The following CSMD1 variants were observed in gnomAD, a reference collection of about 807,000 sequenced individuals.
The protein encoded by CSMD1 is CUB and Sushi multiple domains 1.
CSMD1 carries 213 observed loss-of-function variants against 417.5 expected under a neutral mutation model. The ratio of observed to expected loss-of-function variants is 0.51; its 90% CI spans 0.46 to 0.57. The LOEUF is 0.57. Among genes scored for constraint, CSMD1 ranks in the 20% least tolerant of loss-of-function variants. The pLI is 0.00. For synonymous variants in CSMD1, 2,862 were observed against 1,736.8 expected (o/e 1.65, Z -16.11); for missense variants, 6,923 against 4,529.7 (o/e 1.53, Z -15.17).
chr8:3,825,598 T>C (rs1033034695), intron 5 of CSMD1, among the ~76,000 whole-genome samples: 7 of 151,984 alleles, frequency 4.6e-5, no homozygotes, highest in African/African-American at 1.7e-4. Context: ...GGGGAAGGGA[T>C]TAATAGAAGA....
At position 4,753,435 on chromosome 8, in the gene CSMD1, ACAC is replaced by A. The variant is rs1811473153; in HGVS notation, c.86-115880_86-115878del. On this transcript the variant is annotated intron_variant, in intron 1 of 69. Coordinates refer to ENST00000635120, the MANE Select transcript of CSMD1 (RefSeq NM_033225.6). ...CACACACACACACACACACACACAC[ACAC>A]ACACACACATGCGCACACACTCCTT... Among the ~76,000 whole-genome samples, 6 of 122,328 alleles carry A rather than the reference ACAC, an allele frequency of 4.9e-5. No individual in the cohort carries two copies. In the Admixed American group the frequency reaches 5.5e-4, roughly 11 times the overall value. The allele number at this position is 122,328 out of a possible 152,430, so 80.3% of individuals were successfully genotyped here. A position where few individuals can be genotyped will look rare whatever the true frequency, so the allele number is the denominator to read the frequency against.
chr8:2,939,996 C>A (rs1240688616), intron 69 of CSMD1, among the ~76,000 whole-genome samples: 2 of 152,104 alleles, frequency 1.3e-5, no homozygotes, highest in Admixed American at 6.6e-5. Context: ...CAGCTGCACC[C>A]GGCAGAAGGC....
At chr8:4,046,660 A>G (rs1441245340) in intron 3 of CSMD1, among the ~76,000 whole-genome samples, 2 of 152,208 alleles carry the variant, frequency 1.3e-5, no homozygotes, top group Non-Finnish European at 2.9e-5. Context: ...GATAGGATAT[A>G]CACTGGGAAT....
At chr8:3,181,782 T>C (rs1821343929) in intron 36 of CSMD1, among the ~76,000 whole-genome samples, 1 of 152,220 alleles carries the variant, frequency 6.6e-6, no homozygotes, top group African/African-American at 2.4e-5. Context: ...GTGATTTCTT[T>C]ACTTAAAATG....
intron 10 of CSMD1, among the ~76,000 whole-genome samples, chr8:3,501,092 A>G (rs1304281479): frequency 6.6e-6 from 1 of 152,214 alleles, no homozygotes; most frequent in African/African-American, 2.4e-5. Flanking sequence ...AATAAAATAT[A>G]CTATATAGTT....
At chr8:4,260,431 A>G (rs1174186368) in intron 3 of CSMD1, among the ~76,000 whole-genome samples, 2 of 152,160 alleles carry the variant, frequency 1.3e-5, no homozygotes, top group East Asian at 3.8e-4. Flanking sequence ...ATATACTAGT[A>G]TGTACTTTAC....
chr8:4,748,614 C>G (rs1161479428), intron 1 of CSMD1, among the ~76,000 whole-genome samples: 3 of 152,168 alleles, frequency 2.0e-5, no homozygotes, highest in African/African-American at 7.2e-5. Flanking sequence ...ATAGTGTTTT[C>G]ATTCTAAATT....
In CSMD1 at chr8:3,639,208, C is replaced by T. The variant is rs144358846; in HGVS notation, c.1010-22411G>A. On this transcript the variant is annotated intron_variant, in intron 7 of 69. Transcript: ENST00000635120. ...GTAAGTCAGAAAGTAAAGACACAGG[C>T]CTTGAGGTCTCTCTGTTGGACTAGT... 5.6e-3 allele frequency among the ~76,000 whole-genome samples: 850 copies of T among 152,268 alleles called. 7 individuals carry two copies. The highest frequency in any genetic ancestry group is 9.8e-3 in the South Asian group (47 of 4,812).
intron 49 of CSMD1, among the ~76,000 whole-genome samples, chr8:3,069,521 C>T (rs1813183217): frequency 6.6e-6 from 1 of 152,088 alleles, no homozygotes; most frequent in Non-Finnish European, 1.5e-5. Flanking sequence ...AATCTTAAAC[C>T]TCCCAAATAA....
chr8:3,758,842 A>C (rs1314134294), intron 5 of CSMD1, among the ~76,000 whole-genome samples: 1 of 152,114 alleles, frequency 6.6e-6, no homozygotes, highest in East Asian at 1.9e-4. Flanking sequence ...GGGAGATTAT[A>C]CTAGATTATT....
At chr8:3,373,725 G>A (rs906679319) in intron 18 of CSMD1, 1 of 152,088 alleles carries the variant, frequency 6.6e-6, no homozygotes, top group South Asian at 2.1e-4. Flanking sequence ...CCTTTTCTGA[G>A]TAGCTGTAAA....
At chr8:3,577,141 C>T (rs1027628874) in intron 9 of CSMD1, among the ~76,000 whole-genome samples, 4 of 152,168 alleles carry the variant, frequency 2.6e-5, no homozygotes, top group East Asian at 1.9e-4. Flanking sequence ...TAAAGCTGGC[C>T]CCGCCCATGG....
chr8:4,220,328 G>C (rs1015617016), intron 3 of CSMD1, among the ~76,000 whole-genome samples: 4 of 152,184 alleles, frequency 2.6e-5, no homozygotes, highest in Non-Finnish European at 5.9e-5. Flanking sequence ...GCGTGAGAAG[G>C]AGGTTAGCAT....
At chr8:4,278,092 A>T (rs903377087) in intron 3 of CSMD1, among the ~76,000 whole-genome samples, 1 of 152,288 alleles carries the variant, frequency 6.6e-6, no homozygotes, top group Non-Finnish European at 1.5e-5. Flanking sequence ...CTACATTTAT[A>T]AAATCCTTTA....
At chr8:4,709,425 T>G (rs1808151380) in intron 1 of CSMD1, among the ~76,000 whole-genome samples, 1 of 152,156 alleles carries the variant, frequency 6.6e-6, no homozygotes, top group African/African-American at 2.4e-5. Context: ...TACTTGGGGC[T>G]GCCCTGGCCT....
At chr8:3,739,921 T>C (rs1371966963) in intron 6 of CSMD1, among the ~76,000 whole-genome samples, 1 of 152,162 alleles carries the variant, frequency 6.6e-6, no homozygotes, top group Non-Finnish European at 1.5e-5. Flanking sequence ...AATGAGGATA[T>C]TTTCTCTAAA....
At chr8:3,356,371 G>A (rs1028551296) in intron 21 of CSMD1, among the ~76,000 whole-genome samples, 4 of 152,170 alleles carry the variant, frequency 2.6e-5, no homozygotes, top group African/African-American at 9.7e-5. Context: ...TGAGGAGGGA[G>A]ACAAAGAGAT....
intron 1 of CSMD1, among the ~76,000 whole-genome samples, chr8:4,847,101 A>G (rs1177037990): frequency 2.0e-5 from 3 of 152,214 alleles, no homozygotes; most frequent in African/African-American, 7.2e-5. Flanking sequence ...CTCGTGTATC[A>G]AGCTTTGATG....
intron 1 of CSMD1, among the ~76,000 whole-genome samples, chr8:4,895,864 A>T (rs368503322): frequency 3.8e-4 from 58 of 152,046 alleles, no homozygotes; most frequent in African/African-American, 1.3e-3. Flanking sequence ...TCTTCCTTTC[A>T]CTTGCCTTTT....
Sources: gnomAD v4.1 joint callset for allele counts (sites outside exome capture counted in the v4.1 genomes callset) on GRCh38, gnomAD v4.1.1 for gene constraint, MANE v1.5 for transcripts, NCBI Gene and HGNC (gene_info 2026-07-23, HGNC 2026-07-21) for gene names.